DCLK2: variants seen among roughly 807,000 people sequenced by gnomAD.
DCLK2 encodes serine/threonine-protein kinase DCLK2.
Under a neutral mutation model 78.4 loss-of-function variants are expected in DCLK2, and 31 were observed. The observed-to-expected ratio is 0.40, with a 90% CI of 0.30 to 0.53. DCLK2 has a LOEUF of 0.53. Among genes scored for constraint, DCLK2 ranks in the 20% least tolerant of loss-of-function variants. The probability of loss-of-function intolerance (pLI) is 0.61; values close to 1 mark genes in which losing one functional copy is unlikely to be tolerated. For missense variants in DCLK2, 872 were observed against 973.7 expected (o/e 0.90, Z 1.39); for synonymous variants, 407 against 374.9 (o/e 1.09, Z -0.99).
At position 150,218,068 on chromosome 4, in the gene DCLK2, G is replaced by A. The variant is rs13118138; in HGVS notation, c.1057-2635G>A. Reference sequence around the variant, plus strand: ...CGCTCTCACTCTCGCTCTCTCTCTCGCTCTCTCTCTCCTCCCCCGCCCCCC... The same window carrying A: ...CGCTCTCACTCTCGCTCTCTCTCTCACTCTCTCTCTCCTCCCCCGCCCCCC... On this transcript the variant is annotated intron_variant, in intron 5 of 15. Coordinates refer to ENST00000296550, the MANE Select transcript of DCLK2 (RefSeq NM_001040260.4). Among the ~76,000 whole-genome samples, 7 of 148,078 alleles carry A rather than the reference G, an allele frequency of 4.7e-5. No homozygotes were observed. In the East Asian group the frequency reaches 5.8e-4, roughly 12 times the overall value.
At position 150,244,238 on chromosome 4, in the gene DCLK2, T is replaced by C. The variant is rs981797970; in HGVS notation, c.1779-3365T>C. Reference sequence around the variant, plus strand: ...GTGTGAGCCACTGTGCCTGAGCCATTTCCCTCTAGTCTTTTTCAACATCAG... The same window carrying C: ...GTGTGAGCCACTGTGCCTGAGCCATCTCCCTCTAGTCTTTTTCAACATCAG... On this transcript the variant is annotated intron_variant, in intron 12 of 15. Transcript: ENST00000296550. Among the ~76,000 whole-genome samples the C allele has an allele frequency of 2.0e-5, 3 of 152,112 alleles. No homozygotes were observed. The South Asian group carries it at 6.2e-4, about 32-fold the overall frequency.
chr4:150,079,456 G>A lies in DCLK2; in HGVS notation c.421+8G>A, dbSNP rs763514316. ...TGGACGAGCTGCTGGAAGGTAGGAG[G>A]GGAGGGCGCCGCACGGCAGGTGCGG... On this transcript the variant is annotated splice_region_variant and intron_variant, in intron 1 of 15. Coordinates refer to ENST00000296550, the MANE Select transcript of DCLK2 (RefSeq NM_001040260.4). 8 of 1,483,104 alleles carry A rather than the reference G, an allele frequency of 5.4e-6. No homozygotes were observed. In the East Asian group the frequency reaches 1.8e-4, roughly 32 times the overall value. The allele number at this position is 1,483,104 out of a possible 1,614,324, so 91.9% of individuals were successfully genotyped here. A position where few individuals can be genotyped will look rare whatever the true frequency, so the allele number is the denominator to read the frequency against.
chr4:150,099,592 CA>C (rs1730721569), intron 1 of DCLK2, among the ~76,000 whole-genome samples: 2 of 152,186 alleles, frequency 1.3e-5, no homozygotes, highest in South Asian at 4.1e-4. Context: ...GGCCAGTACA[CA>C]GAAACACTAA....
At chr4:150,219,984 C>T (rs1580740875) in intron 5 of DCLK2, among the ~76,000 whole-genome samples, 1 of 151,982 alleles carries the variant, frequency 6.6e-6, no homozygotes, top group East Asian at 1.9e-4. Flanking sequence ...ATTTCTCTGG[C>T]AATACTATGT....
At chr4:150,166,020 T>C (rs1048404065) in intron 2 of DCLK2, among the ~76,000 whole-genome samples, 1 of 152,196 alleles carries the variant, frequency 6.6e-6, no homozygotes, top group Non-Finnish European at 1.5e-5. Context: ...GCCAAGCCCT[T>C]GGACTTCCCA....
intron 3 of DCLK2, among the ~76,000 whole-genome samples, chr4:150,195,422 A>ATT (rs376979314): frequency 0.054 from 95 of 1,756 alleles, 22 homozygotes; most frequent in African/African-American, 0.1. Flanking sequence ...TATATTATAT[A>ATT]ATATTATATA....
At chr4:150,240,678 A>T (rs183307869) in intron 12 of DCLK2, among the ~76,000 whole-genome samples, 7 of 151,622 alleles carry the variant, frequency 4.6e-5, no homozygotes, top group Admixed American at 4.6e-4. Flanking sequence ...GCAGCGCACC[A>T]GCATGGCACA....
At chr4:150,093,281 G>A (rs1045557107) in intron 1 of DCLK2, among the ~76,000 whole-genome samples, 9 of 152,222 alleles carry the variant, frequency 5.9e-5, no homozygotes, top group African/African-American at 1.9e-4. Context: ...TACATGGATA[G>A]ACATCCTGTG....
chr4:150,218,384 A>G (rs1181382982), intron 5 of DCLK2, among the ~76,000 whole-genome samples: 1 of 152,206 alleles, frequency 6.6e-6, no homozygotes, highest in African/African-American at 2.4e-5. Context: ...ACTGATCCAC[A>G]TGAAAATGTA....
rs115921647 is a variant in DCLK2, at chr4:150,189,114, T to C, written c.757-4024T>C. Among the ~76,000 whole-genome samples, 151 of 152,260 alleles carry C rather than the reference T, an allele frequency of 9.9e-4. 1 individual carries two copies. Among genetic ancestry groups the C allele is most frequent in the African/African-American group, 3.4e-3 (143 of 41,560 alleles). On this transcript the variant is annotated intron_variant, in intron 2 of 15. Coordinates refer to ENST00000296550, the MANE Select transcript of DCLK2 (RefSeq NM_001040260.4). ...AATCAATTAAAAATTAACTGATTTT[T>C]TTCAGATTCATTCAGATATGTTTTT...
intron 2 of DCLK2, among the ~76,000 whole-genome samples, chr4:150,108,575 T>C (rs1731436621): frequency 6.6e-6 from 1 of 151,572 alleles, no homozygotes; most frequent in South Asian, 2.1e-4. Flanking sequence ...AAAATAAAAA[T>C]AAATAAAACC....
rs201521876 is a variant in DCLK2, at chr4:150,240,482, C to T, written c.1778+6C>T. On this transcript the variant is annotated splice_donor_region_variant and intron_variant, in intron 12 of 15. Transcript: ENST00000296550. ...GGATTCCCACCATTCCGAAGGTAGGCGGCCTTTTGGGCGACGTATTTGAAT... is the reference window on the plus strand; with the variant it reads ...GGATTCCCACCATTCCGAAGGTAGGTGGCCTTTTGGGCGACGTATTTGAAT... 36 of 1,607,764 alleles carry T rather than the reference C, an allele frequency of 2.2e-5. No individual in the cohort carries two copies. The East Asian group carries it at 4.5e-4, about 20-fold the overall frequency.
At chr4:150,090,791 A>C (rs552171838) in intron 1 of DCLK2, among the ~76,000 whole-genome samples, 80 of 152,274 alleles carry the variant, frequency 5.3e-4, no homozygotes, top group Non-Finnish European at 1.0e-3. Flanking sequence ...ATCACAGACC[A>C]TACAACTGGA....
chr4:150,145,082 C>G (rs1734376053), intron 2 of DCLK2, among the ~76,000 whole-genome samples: 1 of 152,160 alleles, frequency 6.6e-6, no homozygotes, highest in South Asian at 2.1e-4. Flanking sequence ...GATCTTTCCT[C>G]TCTTTGGTTA....
At position 150,256,336 on chromosome 4, in the gene DCLK2, C is replaced by T. The variant is rs1744568190; in HGVS notation, c.*89C>T. 29 of 1,428,608 alleles carry T rather than the reference C, an allele frequency of 2.0e-5. No individual in the cohort carries two copies. Among genetic ancestry groups the T allele is most frequent in the Non-Finnish European group, 2.6e-5 (28 of 1,092,304 alleles). The allele number at this position is 1,428,608 out of a possible 1,614,324, so 88.5% of individuals were successfully genotyped here. Reference sequence around the variant, plus strand: ...GCCGGCCTCCCTGCTGCAGGCCTCCCTCTCTTCACCGCCTGCGCCTGAGTT... The same window carrying T: ...GCCGGCCTCCCTGCTGCAGGCCTCCTTCTCTTCACCGCCTGCGCCTGAGTT... On this transcript the variant is annotated 3_prime_UTR_variant, in exon 16 of 16. Transcript: ENST00000296550.
intron 12 of DCLK2, among the ~76,000 whole-genome samples, chr4:150,246,392 C>A (rs1268112968): frequency 6.6e-6 from 1 of 152,178 alleles, no homozygotes; most frequent in East Asian, 1.9e-4. Flanking sequence ...GCCATGTCAT[C>A]ACAACAGCCC....
At chr4:150,198,916 C>CCG (rs1553967942) in intron 4 of DCLK2, 2 of 579,130 alleles carry the variant, frequency 3.5e-6, no homozygotes, top group African/African-American at 2.0e-5. Context: ...CAGCACCCCC[C>CCG]CCCCCACTTT....
chr4:150,092,034 A>G (rs1330019656), intron 1 of DCLK2, among the ~76,000 whole-genome samples: 4 of 152,050 alleles, frequency 2.6e-5, no homozygotes, highest in African/African-American at 4.8e-5. Context: ...GACTTTTTAC[A>G]TAACCTATGT....
chr4:150,167,496 T>TTACC (rs1446105806), intron 2 of DCLK2, among the ~76,000 whole-genome samples: 1 of 152,176 alleles, frequency 6.6e-6, no homozygotes, highest in African/African-American at 2.4e-5. Flanking sequence ...AAGCTAGATC[T>TTACC]TACCGTTATC....
Sources: allele counts gnomAD v4.1 joint callset (sites outside exome capture counted in the v4.1 genomes callset), GRCh38; gene constraint gnomAD v4.1.1; transcripts MANE v1.5; gene names NCBI Gene and HGNC (gene_info 2026-07-23, HGNC 2026-07-21).